WDFY4: variants seen among roughly 807,000 people sequenced by gnomAD.
WDFY4 encodes the protein WD repeat- and FYVE domain-containing protein 4.
In WDFY4, 169 loss-of-function variants were observed where a neutral mutation model predicts 351.9. That is an observed-to-expected ratio of 0.48 (90% CI 0.42 to 0.55). The LOEUF (loss-of-function observed/expected upper bound fraction) is 0.55. Among genes scored for constraint, WDFY4 ranks in the 20% least tolerant of loss-of-function variants. WDFY4 has a pLI of 0.00. For synonymous variants in WDFY4, 1,622 were observed against 1,574.6 expected, an observed-to-expected ratio of 1.03 and a Z score of -0.71; for missense variants, 3,803 against 3,935.6, an observed-to-expected ratio of 0.97 and a Z score of 0.90.
At position 48,769,839 on chromosome 10, in the gene WDFY4, C is replaced by T. The variant is rs148001558; in HGVS notation, c.2554-4619C>T. On this transcript the variant is annotated intron_variant, in intron 13 of 61. Coordinates refer to ENST00000325239, the MANE Select transcript of WDFY4 (RefSeq NM_001394531.1). ...GACAGCGTGGACTTAAAGGCTAGGT[C>T]GTTAAGTGAAGAATGCAGAAAATTC... 1.6e-4 allele frequency among the ~76,000 whole-genome samples: 25 copies of T among 152,316 alleles called. No homozygotes were observed. The East Asian group carries it at 2.1e-3, about 13-fold the overall frequency.
chr10:48,823,408 C>A, intron 35 of WDFY4: 1 of 1,206,966 alleles, frequency 8.3e-7, no homozygotes, highest in Non-Finnish European at 1.0e-6. Context: ...GAGGACCACT[C>A]TCCTTCCTCT....
chr10:48,938,110 G>A (rs1297568904), intron 47 of WDFY4, among the ~76,000 whole-genome samples: 1 of 152,220 alleles, frequency 6.6e-6, no homozygotes, highest in Admixed American at 6.5e-5. Flanking sequence ...GCTTGCGTAT[G>A]CCTAGTGCTT....
chr10:48,701,216 A>G (rs188964200), intron 1 of WDFY4, among the ~76,000 whole-genome samples: 1 of 152,282 alleles, frequency 6.6e-6, no homozygotes, highest in Admixed American at 6.5e-5. Context: ...CACTTTGTAT[A>G]ATTCTCTCAG....
At chr10:48,943,296 A>G in intron 48 of WDFY4, 34 bp from the exon 49 acceptor site, 3 of 1,549,996 alleles carry the variant, frequency 1.9e-6, no homozygotes, top group Non-Finnish European at 2.6e-6. Flanking sequence ...CATCAAACGT[A>G]TTTGGTTTAT....
At chr10:48,951,054 A>C (rs989399825) in intron 51 of WDFY4, among the ~76,000 whole-genome samples, 1 of 152,258 alleles carries the variant, frequency 6.6e-6, no homozygotes, top group African/African-American at 2.4e-5. Context: ...GACAGCACAG[A>C]GACCCCCTAT....
At position 48,832,681 on chromosome 10, in the gene WDFY4, A is replaced by C. The variant is rs2068231452; in HGVS notation, c.6635A>C (p.Gln2212Pro). ...GCCATGAAGCTGATGCCCGGGCGGC[A>C]GGCCAAGGACCCTGAGTGCAAGACA... ...SSAMKLMPGR[Q>P]AKDPECKTED... The change falls in exon 39 of 62, where the codon CAG becomes CCG. Residue 2212 changes from glutamine (Q) to proline (P), a missense_variant. Gln to Pro is a moderately conservative substitution (Grantham distance 76). Coordinates refer to ENST00000325239, the MANE Select transcript of WDFY4 (RefSeq NM_001394531.1). The C allele has an allele frequency of 1.3e-6, 2 of 1,549,808 alleles. No individual in the cohort carries two copies. The highest frequency in any genetic ancestry group is 2.7e-5 in the African/African-American group (2 of 73,050).
intron 24 of WDFY4, among the ~76,000 whole-genome samples, 168 bp from the exon 25 acceptor site, chr10:48,803,118 C>G (rs145535789): frequency 6.6e-4 from 101 of 152,284 alleles, no homozygotes; most frequent in African/African-American, 2.3e-3. Flanking sequence ...GGGGAGGCAC[C>G]TCTCTGCTTG....
intron 35 of WDFY4, among the ~76,000 whole-genome samples, chr10:48,825,925 T>C (rs9964284): frequency 6.6e-6 from 1 of 152,198 alleles, no homozygotes. Context: ...GCTCTGATGA[T>C]AGTTTATTTT....
chr10:48,876,161 G>C (rs184496022), intron 42 of WDFY4, among the ~76,000 whole-genome samples: 3 of 152,326 alleles, frequency 2.0e-5, no homozygotes, highest in South Asian at 4.1e-4. Context: ...AAGGTCCTGT[G>C]GTTCTCCACC....
At chr10:48,828,951 G>C in intron 37 of WDFY4, 55 bp downstream of exon 37, 1 of 543,496 alleles carries the variant, frequency 1.8e-6, no homozygotes, top group Non-Finnish European at 3.1e-6. Flanking sequence ...GGAGGGGGTG[G>C]TGGCAGGATA....
intron 44 of WDFY4, 144 bp from the exon 45 acceptor site, chr10:48,897,310 C>T (rs1016802495): frequency 8.6e-6 from 10 of 1,166,166 alleles, no homozygotes; most frequent in African/African-American, 1.5e-5. Flanking sequence ...GGCTAGCACA[C>T]TGGTTGGCAG....
intron 47 of WDFY4, chr10:48,910,355 C>G: frequency 1.9e-6 from 2 of 1,064,732 alleles, no homozygotes; most frequent in Non-Finnish European, 2.9e-6. Flanking sequence ...AAGGTCATGC[C>G]TGACCTTCAG....
At position 48,804,783 on chromosome 10, in the gene WDFY4, A is replaced by T; in HGVS notation, c.4485-477A>T. On this transcript the variant is annotated intron_variant, in intron 25 of 61. Coordinates refer to ENST00000325239, the MANE Select transcript of WDFY4 (RefSeq NM_001394531.1). ...TTTGTGAGTATCTGAGGGAGGGGGT[A>T]TGGATAGGTGGATTCTGTCTTTTTC... 10 of 940,212 alleles carry T rather than the reference A, an allele frequency of 1.1e-5. No individual in the cohort carries two copies. In the South Asian group the frequency reaches 4.9e-4, roughly 46 times the overall value. 58.2% of individuals were successfully genotyped at this position (940,212 alleles called of 1,614,324 possible). A position where few individuals can be genotyped will look rare whatever the true frequency, so the allele number is the denominator to read the frequency against.
chr10:48,975,299 A>C (rs765596786), intron 58 of WDFY4: 162 of 592,756 alleles, frequency 2.7e-4, no homozygotes, highest in Non-Finnish European at 3.5e-4. Context: ...AGGGGGCTGC[A>C]GCTGAAAAAT....
intron 32 of WDFY4, among the ~76,000 whole-genome samples, chr10:48,817,930 T>C (rs1337141389): frequency 1.3e-5 from 2 of 152,200 alleles, no homozygotes; most frequent in Non-Finnish European, 2.9e-5. Context: ...GGATGAGGTC[T>C]TGGGTCTTAT....
intron 12 of WDFY4, among the ~76,000 whole-genome samples, chr10:48,748,200 T>G (rs1213528268): frequency 6.6e-6 from 1 of 152,228 alleles, no homozygotes; most frequent in Non-Finnish European, 1.5e-5. Flanking sequence ...TTTGTCAGTA[T>G]GAAAAGACAT....
intron 1 of WDFY4, among the ~76,000 whole-genome samples, chr10:48,693,950 T>C (rs991697908): frequency 6.6e-6 from 1 of 152,214 alleles, no homozygotes; most frequent in African/African-American, 2.4e-5. Flanking sequence ...TTTTGTGCTT[T>C]GATGAATCCG....
chr10:48,726,040 C>A lies in WDFY4; in HGVS notation c.751C>A (p.Gln251Lys). Residue 251 changes from glutamine to lysine, a missense_variant, in exon 6 of 62, where the codon CAG (glutamine) becomes AAG (lysine). By Grantham distance (53) the Gln-to-Lys change is moderately conservative (BLOSUM62 1). Around this residue, in one of 3 missense-constraint regions of WDFY4, gnomAD observed 488 missense variants for 456.8 expected, o/e 1.07. Transcript: ENST00000325239. ...FCVLRAISKA[Q>K]NLSIIQYLQA... ...CGTGCTAAGGGCAATCTCCAAGGCC[C>A]AGAACCTCAGCATCATCCAGTACCT... 1 of 1,550,830 alleles carries A rather than the reference C, an allele frequency of 6.4e-7. No homozygotes were observed. Among genetic ancestry groups the A allele is most frequent in the Non-Finnish European group, 8.7e-7 (1 of 1,146,344 alleles).
At chr10:48,960,182 G>A (rs1312877290) in intron 53 of WDFY4, among the ~76,000 whole-genome samples, 1 of 152,190 alleles carries the variant, frequency 6.6e-6, no homozygotes, top group Non-Finnish European at 1.5e-5. Flanking sequence ...GACTCCCACT[G>A]GCCAAAAATT....
Sources: gnomAD v4.1 joint callset for allele counts (sites outside exome capture counted in the v4.1 genomes callset) on GRCh38, gnomAD v4.1.1 for gene constraint, gnomAD v4.1.1 regional missense constraint, MANE v1.5 for transcripts, NCBI Gene and HGNC (gene_info 2026-07-23, HGNC 2026-07-21) for gene names.